The following DGKB variants were observed in gnomAD, a reference collection of about 807,000 sequenced individuals.
DGKB encodes the protein diacylglycerol kinase beta, also known as 90 kDa diacylglycerol kinase.
In DGKB, 67 loss-of-function variants were observed where a neutral mutation model predicts 114.3. The ratio of observed to expected loss-of-function variants is 0.59; its 90% CI spans 0.48 to 0.72. The LOEUF (loss-of-function observed/expected upper bound fraction) is 0.72. DGKB is among the 30% of genes least tolerant of loss of function. The pLI, the probability that DGKB is intolerant of heterozygous loss-of-function variation, is 0.00. For missense variants in DGKB, 907 were observed against 975.2 expected, an observed-to-expected ratio of 0.93 and a Z score of 0.93; for synonymous variants, 398 against 323.1, an observed-to-expected ratio of 1.23 and a Z score of -2.49.
chr7:14,247,994 A>C (rs1481374677), intron 23 of DGKB, among the ~76,000 whole-genome samples: 1 of 152,022 alleles, frequency 6.6e-6, no homozygotes, highest in Non-Finnish European at 1.5e-5. Flanking sequence ...TTTATGTTTA[A>C]AATTTTAATC....
chr7:14,275,554 A>G (rs1798873416), intron 23 of DGKB, among the ~76,000 whole-genome samples: 1 of 152,204 alleles, frequency 6.6e-6, no homozygotes, highest in East Asian at 1.9e-4. Flanking sequence ...TGAGTCAAAT[A>G]GTGGTCATGT....
At position 14,613,382 on chromosome 7, in the gene DGKB, A is replaced by G; in HGVS notation, c.1316T>C (p.Leu439Ser). ...ACCACTTTTGGGGTTCACAAAAACT[A>G]AAAGTGGGTGAGTACCAGGCACAGG... ...VTPVPGTHPL[L>S]VFVNPKSGGK... The change falls in exon 16 of 26, where the codon TTA becomes TCA. Residue 439 changes from leucine (L) to serine (S), a missense_variant. Coordinates refer to ENST00000402815, the MANE Select transcript of DGKB (RefSeq NM_001350709.2). 6.4e-7 allele frequency: 1 copy of G among 1,570,740 alleles called. No homozygotes were observed.
intron 6 of DGKB, among the ~76,000 whole-genome samples, chr7:14,706,934 A>T (rs1214806810): frequency 7.0e-6 from 1 of 143,542 alleles, no homozygotes; most frequent in Non-Finnish European, 1.5e-5. Flanking sequence ...AACACATTCA[A>T]AAGCTAGCAG....
At chr7:14,645,163 A>G (rs1383812704) in intron 13 of DGKB, among the ~76,000 whole-genome samples, 1 of 151,572 alleles carries the variant, frequency 6.6e-6, no homozygotes, top group Non-Finnish European at 1.5e-5. Context: ...GCCCATAAAA[A>G]CCCCAGACTC....
chr7:14,405,499 A>T (rs1486324584), intron 21 of DGKB, among the ~76,000 whole-genome samples: 1 of 152,082 alleles, frequency 6.6e-6, no homozygotes, highest in Non-Finnish European at 1.5e-5. Context: ...TTCTTAAAGG[A>T]TATAATCAGA....
At chr7:14,944,427 G>A (rs981657067) in intron 1 of DGKB, among the ~76,000 whole-genome samples, 1 of 151,824 alleles carries the variant, frequency 6.6e-6, no homozygotes, top group African/African-American at 2.4e-5. Context: ...ACTAAACATT[G>A]TTCTTTTGGA....
At chr7:14,675,363 G>C (rs761505003) in intron 12 of DGKB, among the ~76,000 whole-genome samples, 2 of 152,024 alleles carry the variant, frequency 1.3e-5, no homozygotes, top group Non-Finnish European at 2.9e-5. Context: ...TCTCTGTATA[G>C]TTATTTGAGG....
chr7:14,641,794 G>A (rs1811853530), intron 13 of DGKB, among the ~76,000 whole-genome samples: 1 of 150,620 alleles, frequency 6.6e-6, no homozygotes, highest in Non-Finnish European at 1.5e-5. Flanking sequence ...GTTAGAATAA[G>A]CATTTTTTTA....
At chr7:14,159,822 A>G (rs1342977175) in intron 25 of DGKB, among the ~76,000 whole-genome samples, 1 of 151,980 alleles carries the variant, frequency 6.6e-6, no homozygotes, top group Non-Finnish European at 1.5e-5. Context: ...ATAGGCGTCC[A>G]CCACCACGCC....
At chr7:14,220,102 C>T (rs113095015) in intron 23 of DGKB, among the ~76,000 whole-genome samples, 20 of 151,626 alleles carry the variant, frequency 1.3e-4, no homozygotes, top group Admixed American at 3.9e-4. Context: ...TATTGCTCCC[C>T]GGCTACAAAA....
At chr7:14,313,801 G>T (rs1039820846) in intron 23 of DGKB, among the ~76,000 whole-genome samples, 4 of 152,202 alleles carry the variant, frequency 2.6e-5, no homozygotes, top group African/African-American at 9.6e-5. Flanking sequence ...AGGCCTGCCT[G>T]CCTCTGTAGG....
intron 23 of DGKB, among the ~76,000 whole-genome samples, chr7:14,328,024 G>A (rs957446914): frequency 6.6e-6 from 1 of 151,896 alleles, no homozygotes; most frequent in African/African-American, 2.4e-5. Flanking sequence ...TTTTAATTTT[G>A]AAAAGACGTT....
At chr7:14,754,099 G>C (rs4632953) in intron 3 of DGKB, among the ~76,000 whole-genome samples, 151 bp from the exon 4 acceptor site, 54,086 of 151,882 alleles carry the variant, frequency 0.36, 13,329 homozygotes, top group African/African-American at 0.69. Flanking sequence ...AGGTGGTTCC[G>C]AAACAGTGGC....
intron 15 of DGKB, among the ~76,000 whole-genome samples, chr7:14,620,383 AG>A (rs1430520555): frequency 1.3e-5 from 2 of 151,454 alleles, no homozygotes; most frequent in Non-Finnish European, 3.0e-5. Context: ...AAGATGATAA[AG>A]AAGCAAGCAT....
At chr7:14,287,082 C>A (rs560490969) in intron 23 of DGKB, among the ~76,000 whole-genome samples, 1 of 152,206 alleles carries the variant, frequency 6.6e-6, no homozygotes, top group South Asian at 2.1e-4. Context: ...CATTAAAATT[C>A]TGTGACTGTG....
At chr7:14,749,963 G>A (rs1038252540) in intron 4 of DGKB, among the ~76,000 whole-genome samples, 5 of 152,072 alleles carry the variant, frequency 3.3e-5, no homozygotes, top group African/African-American at 1.2e-4. Flanking sequence ...ACACGACTTT[G>A]CATCACTAAG....
chr7:14,285,809 A>G (rs752149908), intron 23 of DGKB, among the ~76,000 whole-genome samples: 10 of 152,186 alleles, frequency 6.6e-5, no homozygotes, highest in Non-Finnish European at 1.2e-4. Context: ...CATATTTAGC[A>G]TATTTGAGAA....
At chr7:14,447,519 C>T (rs1830889547) in intron 21 of DGKB, among the ~76,000 whole-genome samples, 1 of 152,034 alleles carries the variant, frequency 6.6e-6, no homozygotes, top group Non-Finnish European at 1.5e-5. Context: ...TTGATATACA[C>T]TGATAATTTG....
chr7:14,164,234 C>T (rs1784326152), intron 25 of DGKB, among the ~76,000 whole-genome samples: 1 of 152,074 alleles, frequency 6.6e-6, no homozygotes, highest in Non-Finnish European at 1.5e-5. Flanking sequence ...AATACACGTT[C>T]TTCTGTTGAT....
Sources: gnomAD v4.1 joint callset for allele counts (sites outside exome capture counted in the v4.1 genomes callset) on GRCh38, gnomAD v4.1.1 for gene constraint, MANE v1.5 for transcripts, NCBI Gene and HGNC (gene_info 2026-07-23, HGNC 2026-07-21) for gene names.